MYO15A: variants seen among roughly 807,000 people sequenced by gnomAD.
MYO15A encodes the protein unconventional myosin-XV.
In MYO15A, 308 loss-of-function variants were observed where a neutral mutation model predicts 394.6. The ratio of observed to expected loss-of-function variants is 0.78; its 90% CI spans 0.71 to 0.86. MYO15A has a LOEUF of 0.86. Among genes scored for constraint, MYO15A ranks in the 40% least tolerant of loss-of-function variants. The pLI is 0.00. For missense variants in MYO15A, 4,606 were observed against 4,799.1 expected, an observed-to-expected ratio of 0.96 and a Z score of 1.19; for synonymous variants, 1,957 against 2,003.8, an observed-to-expected ratio of 0.98 and a Z score of 0.62.
chr17:18,115,674 C>T (rs902894693), intron 1 of MYO15A, among the ~76,000 whole-genome samples: 3 of 152,218 alleles, frequency 2.0e-5, no homozygotes, highest in Non-Finnish European at 4.4e-5. Flanking sequence ...CCTCCTCCCA[C>T]GGCTCCTGCC....
At chr17:18,109,389 C>A in intron 1 of MYO15A, 1 of 171,426 alleles carries the variant, frequency 5.8e-6, no homozygotes, top group Non-Finnish European at 1.3e-5. Context: ...GATCTGTGTG[C>A]GCGTGGATCA....
chr17:18,150,432 C>T lies in MYO15A; in HGVS notation c.7216C>T (p.Leu2406=), dbSNP rs1294567259. ...DPVLSYGDAD[L]EKPTAIAYRM... ...TTGAGCCACCCACTGCCCCCAGGAC[C>T]TGGAGAAGCCAACAGCCATTGCCTA... The change falls in exon 36 of 66, where the codon CTG becomes TTG. Residue 2406 remains leucine, a synonymous_variant. Coordinates refer to ENST00000647165, the MANE Select transcript of MYO15A (RefSeq NM_016239.4). The surrounding 1 kb of genome is among the most constrained non-coding windows in gnomAD (Gnocchi z 4.4). The T allele has an allele frequency of 5.6e-6, 9 of 1,614,038 alleles. No homozygotes were observed. The highest frequency in any genetic ancestry group is 7.6e-6 in the Non-Finnish European group (9 of 1,179,938).
Position 18,148,405 on chromosome 17 carries a change from C to G in MYO15A, c.6692-91C>G. 1 of 1,499,396 alleles carries G rather than the reference C, an allele frequency of 6.7e-7. No homozygotes were observed. The highest frequency in any genetic ancestry group is 9.1e-7 in the Non-Finnish European group (1 of 1,102,740). The allele number at this position is 1,499,396 out of a possible 1,614,324, so 92.9% of individuals were successfully genotyped here. ...AGCCAGGGAAGTGAGGCTACAGATA[C>G]AGGAAGCCTGAAAGGAAGAAGCAAG... is the stretch of plus-strand genomic sequence containing the variant. On this transcript the variant is annotated intron_variant, in intron 31 of 65. Transcript: ENST00000647165. The surrounding 1 kb of genome is among the most constrained non-coding windows in gnomAD (Gnocchi z 4.8).
Position 18,138,998 on chromosome 17 carries a change from C to G in MYO15A, c.5133+62C>G, listed in dbSNP as rs111428383. The stretch of plus-strand genomic sequence containing the variant: ...GCAGTGCTGCTAGCTGTTGGAGACA[C>G]AGAAGCACAACACTGGCCCCAGACA... On this transcript the variant is annotated intron_variant, in intron 18 of 65. Transcript: ENST00000647165. 322 of 1,575,368 alleles carry G rather than the reference C, an allele frequency of 2.0e-4. 2 individuals are homozygous for G. The African/African-American group carries it at 3.6e-3, about 17-fold the overall frequency.
intron 1 of MYO15A, among the ~76,000 whole-genome samples, chr17:18,113,968 T>C (rs1034359474): frequency 6.6e-6 from 1 of 152,152 alleles, no homozygotes; most frequent in Non-Finnish European, 1.5e-5. Context: ...TTCCTTGTTA[T>C]AGCTGTGTTG....
rs370765029 is a variant in MYO15A at position 18,143,956 on chromosome 17, A to T, written c.6133A>T (p.Ile2045Phe). 1.9e-6 allele frequency: 3 copies of T among 1,612,988 alleles called. No individual in the cohort carries two copies. Among genetic ancestry groups the T allele is most frequent in the Non-Finnish European group, 2.5e-6 (3 of 1,179,844 alleles). The change falls in exon 28 of 66, where the codon ATC (isoleucine) becomes TTC (phenylalanine). Residue 2045 changes from isoleucine to phenylalanine, a missense_variant. By Grantham distance (21) the Ile-to-Phe change is conservative. Coordinates refer to ENST00000647165, the MANE Select transcript of MYO15A (RefSeq NM_016239.4). ...GCCCCGTGTCACACTGCCCCTGGAC[A>T]TCAACAACTATCCTATGGCCAAGTT... ...AEPRVTLPLD[I>F]NNYPMAKFVQ... is the part of the protein sequence containing the mutation.
chr17:18,148,942 G>T lies in MYO15A; in HGVS notation c.6946G>T (p.Gly2316Cys). The T allele has an allele frequency of 6.3e-7, 1 of 1,597,584 alleles. No individual in the cohort carries two copies. Among genetic ancestry groups the T allele is most frequent in the Non-Finnish European group, 8.5e-7 (1 of 1,172,156 alleles). ...GTEGPAASRG[G>C]PKVVFGNSWD... ...AGAGGGGCCTGCAGCCAGCAGGGGAGGCCCCAAAGTGTAGGTAGCTATGGG... is the reference window on the plus strand; with the variant it reads ...AGAGGGGCCTGCAGCCAGCAGGGGATGCCCCAAAGTGTAGGTAGCTATGGG... The change falls in exon 33 of 66, where the codon GGC becomes TGC. Residue 2316 changes from glycine (G) to cysteine (C), a missense_variant. By Grantham distance (159) the Gly-to-Cys change is radical. Coordinates refer to ENST00000647165, the MANE Select transcript of MYO15A (RefSeq NM_016239.4). This position sits in a 1 kb window ranked among gnomAD's most constrained non-coding sequence, Gnocchi z 4.8.
chr17:18,143,649 CAAG>C (rs927657756), intron 26 of MYO15A, 30 bp downstream of exon 26: 2 of 1,569,060 alleles, frequency 1.3e-6, no homozygotes, highest in Non-Finnish European at 1.7e-6. Context: ...GCAGCAGGGC[CAAG>C]GAGGGAGGCT....
At chr17:18,172,494 C>A in intron 64 of MYO15A, 2 of 781,574 alleles carry the variant, frequency 2.6e-6, no homozygotes, top group East Asian at 2.7e-5. Flanking sequence ...ACCCATAGGG[C>A]TGTTGTGAAG....
Position 18,121,230 on chromosome 17 carries a change from C to T in MYO15A, c.2430C>T (p.Phe810=). 1 of 1,485,404 alleles carries T rather than the reference C, an allele frequency of 6.7e-7. No homozygotes were observed. Among genetic ancestry groups the T allele is most frequent in the Non-Finnish European group, 8.9e-7 (1 of 1,123,228 alleles). 92.0% of individuals were successfully genotyped at this position (1,485,404 alleles called of 1,614,324 possible). A position where few individuals can be genotyped will look rare whatever the true frequency, so the allele number is the denominator to read the frequency against. Residue 810 remains phenylalanine, a synonymous_variant, in exon 2 of 66, where the codon TTC becomes TTT. Transcript: ENST00000647165. The surrounding 1 kb of genome is among the most constrained non-coding windows in gnomAD (Gnocchi z 5.3). ...GCACGGGCCCCTTCCAGCCGCCCTTCCTGCCCCCGGCCCGCCGGCCCCGCT... is the reference window on the plus strand; with the variant it reads ...GCACGGGCCCCTTCCAGCCGCCCTTTCTGCCCCCGGCCCGCCGGCCCCGCT... ...SLRTGPFQPP[F]LPPARRPRSL... is the part of the protein sequence containing the mutation.
intron 62 of MYO15A, among the ~76,000 whole-genome samples, chr17:18,170,793 G>A (rs528184008): frequency 5.9e-5 from 9 of 152,326 alleles, no homozygotes; most frequent in South Asian, 2.1e-4. Flanking sequence ...CTCTGCATCT[G>A]CATTATCTCA....
chr17:18,151,670 G>A (rs2046585189), intron 40 of MYO15A, 143 bp downstream of exon 40: 1 of 1,229,062 alleles, frequency 8.1e-7, no homozygotes, highest in Admixed American at 2.0e-5. Context: ...GTCCAGATGA[G>A]GCCCTGCTGT....
In MYO15A at chr17:18,163,266, A is replaced by G. The variant is rs778689225; in HGVS notation, c.9635A>G (p.Gln3212Arg). ...AMLAGRSSKR[Q>R]LFLLPGGLER... ...CAGGCAGGCCGCAGTTCCAAGAGGCAACTCTTTCTTCTTCCTGGAGGCCTT... is the reference window on the plus strand; with the variant it reads ...CAGGCAGGCCGCAGTTCCAAGAGGCGACTCTTTCTTCTTCCTGGAGGCCTT... The change falls in exon 59 of 66, where the codon CAA (glutamine) becomes CGA (arginine). Residue 3212 changes from glutamine to arginine, a missense_variant. Gln to Arg is a conservative substitution (Grantham distance 43, BLOSUM62 1). Around this residue, in one of 2 missense-constraint regions of MYO15A, gnomAD observed 2,776 missense variants for 3,109.3 expected, o/e 0.89. Transcript: ENST00000647165. 6.2e-7 allele frequency: 1 copy of G among 1,614,108 alleles called. No homozygotes were observed. Among genetic ancestry groups the G allele is most frequent in the East Asian group, 2.2e-5 (1 of 44,886 alleles).
chr17:18,126,621 G>T (rs2046047416), intron 5 of MYO15A, among the ~76,000 whole-genome samples, 165 bp downstream of exon 5: 1 of 152,100 alleles, frequency 6.6e-6, no homozygotes, highest in South Asian at 2.1e-4. Context: ...CGAAGCTACA[G>T]GTTGGAGGCC....
Position 18,120,259 on chromosome 17 carries a change from C to T in MYO15A, c.1459C>T (p.Leu487=). 1 of 1,612,012 alleles carries T rather than the reference C, an allele frequency of 6.2e-7. No individual in the cohort carries two copies. Among genetic ancestry groups the T allele is most frequent in the Non-Finnish European group, 8.5e-7 (1 of 1,179,570 alleles). ...FRLFPRPQVK[L]FGKEKLEVPL... Reference sequence around the variant, plus strand: ...CCTCTTCCCGCGACCCCAGGTGAAGCTGTTTGGGAAGGAGAAGCTGGAGGT... The same window carrying T: ...CCTCTTCCCGCGACCCCAGGTGAAGTTGTTTGGGAAGGAGAAGCTGGAGGT... Residue 487 remains leucine (L), a synonymous_variant, in exon 2 of 66, where the codon CTG becomes TTG. Coordinates refer to ENST00000647165, the MANE Select transcript of MYO15A (RefSeq NM_016239.4).
chr17:18,120,573 C>T lies in MYO15A; in HGVS notation c.1773C>T (p.Gly591=), dbSNP rs1194937803. The T allele has an allele frequency of 1.3e-6, 2 of 1,599,600 alleles. No individual in the cohort carries two copies. Among genetic ancestry groups the T allele is most frequent in the Non-Finnish European group, 8.5e-7 (1 of 1,175,152 alleles). The change falls in exon 2 of 66, where the codon GGC becomes GGT. Residue 591 remains glycine (G), a synonymous_variant. Transcript: ENST00000647165. ...SEKKPIARLR[G]SQKARAGGPA... ...AGAAGCCCATCGCGCGGCTCAGGGGCAGCCAGAAGGCCCGGGCGGGCGGCC... is the reference window on the plus strand; with the variant it reads ...AGAAGCCCATCGCGCGGCTCAGGGGTAGCCAGAAGGCCCGGGCGGGCGGCC...
At position 18,167,715 on chromosome 17, in the gene MYO15A, GC is replaced by G. The variant is rs768744856; in HGVS notation, c.10076del (p.Pro3359ArgfsTer94). On this transcript the variant is annotated frameshift_variant, in exon 62 of 66. Transcript: ENST00000647165. LOFTEE classifies it high-confidence loss of function. ...QHRAKDHFYL[P>X]SVREVQEYIP... ...ATCGCGCCAAGGACCACTTCTACCT[GC>G]CGAGCGTGTGAGCATCTGCCCTCCT... The G allele has an allele frequency of 6.2e-7, 1 of 1,603,250 alleles. No individual in the cohort carries two copies. Among genetic ancestry groups the G allele is most frequent in the Non-Finnish European group, 8.5e-7 (1 of 1,179,948 alleles).
At position 18,120,625 on chromosome 17, in the gene MYO15A, C is replaced by A. The variant is rs777988901; in HGVS notation, c.1825C>A (p.Arg609Ser). The A allele has an allele frequency of 1.9e-6, 3 of 1,597,304 alleles. No individual in the cohort carries two copies. In the South Asian group the frequency reaches 3.4e-5, roughly 18 times the overall value. Residue 609 changes from arginine (R) to serine (S), a missense_variant, in exon 2 of 66, where the codon CGC becomes AGC. By Grantham distance (110) the Arg-to-Ser change is moderately radical (BLOSUM62 -1). Transcript: ENST00000647165. ...TGCTGTCAGGGAGGCGGCCTACAAA[C>A]GCTTCGGCTACAAGCTGGCTGGCAT... Reference protein sequence around the residue: ...GPAVREAAYKRFGYKLAGMDP... With the variant: ...GPAVREAAYKSFGYKLAGMDP...
intron 65 of MYO15A, among the ~76,000 whole-genome samples, chr17:18,176,040 C>T (rs1011927267): frequency 6.6e-6 from 1 of 152,212 alleles, no homozygotes; most frequent in Non-Finnish European, 1.5e-5. Context: ...ACAAATATCA[C>T]CTTTTTCTAG....
Sources: gnomAD v4.1 joint callset for allele counts (sites outside exome capture counted in the v4.1 genomes callset) on GRCh38, gnomAD v4.1.1 for gene constraint, gnomAD v4.1.1 regional missense constraint, Gnocchi (gnomAD v3.1) non-coding constraint, MANE v1.5 for transcripts, NCBI Gene and HGNC (gene_info 2026-07-23, HGNC 2026-07-21) for gene names.